The following MCTP1 variants were observed in gnomAD, a reference collection of about 807,000 sequenced individuals.
MCTP1 encodes multiple C2 and transmembrane domain containing 1.
A neutral mutation model predicts 120.6 loss-of-function variants in MCTP1; 69 were observed. The observed-to-expected ratio is 0.57, with a 90% confidence interval of 0.47 to 0.70. The LOEUF is 0.70. Ranked by LOEUF, MCTP1 falls within the 30% of genes least tolerant of loss-of-function variation. MCTP1 has a pLI of 0.00. For missense variants in MCTP1, 1,203 were observed against 1,248.8 expected, an observed-to-expected ratio of 0.96 and a Z score of 0.55; for synonymous variants, 529 against 493.1, an observed-to-expected ratio of 1.07 and a Z score of -0.96.
At chr5:95,015,779 C>T (rs1210801931) in intron 2 of MCTP1, among the ~76,000 whole-genome samples, 3 of 152,006 alleles carry the variant, frequency 2.0e-5, no homozygotes, top group Admixed American at 6.6e-5. Context: ...AACCACTCCC[C>T]TATTTATGGG....
chr5:94,867,505 C>T (rs1236913228), intron 17 of MCTP1: 4 of 639,172 alleles, frequency 6.3e-6, no homozygotes, highest in African/African-American at 1.8e-5. Flanking sequence ...ATAATAAAGT[C>T]GTATTCTGCT....
chr5:95,069,300 AACTTTGCAGATGAC>A (rs1022203397), intron 1 of MCTP1, among the ~76,000 whole-genome samples: 7 of 152,228 alleles, frequency 4.6e-5, no homozygotes, highest in African/African-American at 1.7e-4. Flanking sequence ...ACGTACTCCT[AACTTTGCAGATGAC>A]AGTTTTCATT....
chr5:95,149,287 C>T (rs769674639), intron 1 of MCTP1, among the ~76,000 whole-genome samples: 6 of 152,206 alleles, frequency 3.9e-5, no homozygotes, highest in African/African-American at 7.2e-5. Flanking sequence ...CCTCCACCAA[C>T]CAATGAACTC....
chr5:94,836,335 G>C (rs1479613691), intron 17 of MCTP1, among the ~76,000 whole-genome samples: 2 of 152,090 alleles, frequency 1.3e-5, no homozygotes, highest in African/African-American at 4.8e-5. Flanking sequence ...GTCCTCCAGG[G>C]CTTACTATAC....
chr5:95,134,125 T>A (rs1194413853), intron 1 of MCTP1, among the ~76,000 whole-genome samples: 2 of 152,224 alleles, frequency 1.3e-5, no homozygotes, highest in African/African-American at 4.8e-5. Context: ...GCTTCAAATC[T>A]ATTCTATAAA....
chr5:95,113,422 C>G (rs764347947), intron 1 of MCTP1, among the ~76,000 whole-genome samples: 21 of 152,024 alleles, frequency 1.4e-4, no homozygotes, highest in Admixed American at 3.9e-4. Context: ...ACCCCTCCCC[C>G]ATCCCCAAGC....
At chr5:95,058,722 G>T (rs1214717607) in intron 1 of MCTP1, among the ~76,000 whole-genome samples, 1 of 152,138 alleles carries the variant, frequency 6.6e-6, no homozygotes. Flanking sequence ...TTCCCTTCCT[G>T]TGCCTTTCAT....
chr5:95,105,897 C>T (rs1404605605), intron 1 of MCTP1, among the ~76,000 whole-genome samples: 1 of 152,152 alleles, frequency 6.6e-6, no homozygotes, highest in African/African-American at 2.4e-5. Flanking sequence ...ATCTTTTTCT[C>T]ACCATGTGTT....
chr5:95,203,267 T>C (rs1751272109), intron 1 of MCTP1, among the ~76,000 whole-genome samples: 1 of 152,240 alleles, frequency 6.6e-6, no homozygotes, highest in African/African-American at 2.4e-5. Flanking sequence ...TAAACACTTT[T>C]GCTCTCATGT....
chr5:94,766,666 T>A, intron 19 of MCTP1, among the ~76,000 whole-genome samples: 1 of 140,268 alleles, frequency 7.1e-6, no homozygotes. Flanking sequence ...GAACTTAAAG[T>A]ATAGTTAAAA....
intron 1 of MCTP1, among the ~76,000 whole-genome samples, chr5:95,166,637 G>A (rs1400482134): frequency 2.8e-5 from 4 of 144,908 alleles, no homozygotes; most frequent in Admixed American, 7.1e-5. Flanking sequence ...GCACGATCTC[G>A]GCTCACTGCA....
intron 1 of MCTP1, among the ~76,000 whole-genome samples, chr5:95,102,149 A>T (rs1231996661): frequency 6.6e-6 from 1 of 152,180 alleles, no homozygotes; most frequent in Non-Finnish European, 1.5e-5. Context: ...GATAGGACTC[A>T]TCAAAAGTAA....
At chr5:95,274,866 G>A (rs1272571649) in intron 1 of MCTP1, among the ~76,000 whole-genome samples, 4 of 151,870 alleles carry the variant, frequency 2.6e-5, no homozygotes, top group Non-Finnish European at 5.9e-5. Context: ...CTCGTGATCC[G>A]CCCGCCTCGG....
At chr5:94,768,842 T>G (rs959190651) in intron 19 of MCTP1, among the ~76,000 whole-genome samples, 1 of 152,140 alleles carries the variant, frequency 6.6e-6, no homozygotes, top group African/African-American at 2.4e-5. Flanking sequence ...CTCAAAAAAC[T>G]TAAAATAGAA....
At chr5:94,932,213 TAAAAA>T (rs368203326) in intron 5 of MCTP1, among the ~76,000 whole-genome samples, 4 of 95,838 alleles carry the variant, frequency 4.2e-5, no homozygotes, top group Admixed American at 1.2e-4. Flanking sequence ...TATTCCTTTG[TAAAAA>T]AAAAAAAAAA....
intron 1 of MCTP1, among the ~76,000 whole-genome samples, chr5:95,056,739 C>T (rs1002675998): frequency 6.6e-6 from 1 of 152,066 alleles, no homozygotes; most frequent in Admixed American, 6.6e-5. Context: ...CCTGCTTTGA[C>T]GGTAATAATT....
At chr5:94,924,118 C>A in intron 6 of MCTP1, 97 bp from the exon 7 acceptor site, 2 of 678,384 alleles carry the variant, frequency 2.9e-6, no homozygotes, top group Non-Finnish European at 4.6e-6. Context: ...AATAAAAAAT[C>A]GAAAATTATA....
chr5:94,832,199 A>G (rs1224203553), intron 17 of MCTP1, among the ~76,000 whole-genome samples: 1 of 152,002 alleles, frequency 6.6e-6, no homozygotes, highest in Non-Finnish European at 1.5e-5. Context: ...CTCTTTACAC[A>G]AATGTTTGAG....
Position 94,794,318 on chromosome 5 carries a change from T to C in MCTP1, c.2556+4695A>G, listed in dbSNP as rs75753953. Among the ~76,000 whole-genome samples, 39 of 152,386 alleles carry C rather than the reference T, an allele frequency of 2.6e-4. 1 individual carries two copies. The highest frequency in any genetic ancestry group is 3.4e-3 in the Middle Eastern group (1 of 294). ...ACGAATATGAAGAAGTCAGCTTTGA[T>C]GGACTCTTCCCATGCTCACCTTGGT... On this transcript the variant is annotated intron_variant, in intron 18 of 22. Transcript: ENST00000515393.
Sources: allele counts gnomAD v4.1 joint callset (sites outside exome capture counted in the v4.1 genomes callset), GRCh38; gene constraint gnomAD v4.1.1; transcripts MANE v1.5; gene names NCBI Gene and HGNC (gene_info 2026-07-23, HGNC 2026-07-21).